DMD: variants seen among roughly 807,000 people sequenced by gnomAD.
DMD encodes the protein dystrophin, also known as mutant dystrophin.
A neutral mutation model predicts 330.1 loss-of-function variants in DMD; 63 were observed. That is an observed-to-expected ratio of 0.19 (90% CI 0.16 to 0.24). DMD has a LOEUF of 0.24. DMD is among the 10% of genes least tolerant of loss of function. DMD has a pLI of 1.00. For missense variants in DMD, 3,344 were observed against 2,684.1 expected (o/e 1.25, Z -5.43); for synonymous variants, 1,223 against 959.8 (o/e 1.27, Z -5.07).
At chrX:32,006,856 GCACATATA>G (rs1303665701) in intron 44 of DMD, among the ~76,000 whole-genome samples, 2 of 109,481 alleles carry the variant, frequency 1.8e-5, no homozygotes, top group East Asian at 5.8e-4. Context: ...AGAAAATGTG[GCACATATA>G]CACCATGGAA....
In DMD at chrX:32,050,974, C is replaced by CTTTTTTTTTTTTTTTTTTTTTTTT. The variant is rs761835866; in HGVS notation, c.6439-82461_6439-82460insAAAAAAAAAAAAAAAAAAAAAAAA. ...TTACATTGCCTCAGGCTAACTTCCT[C>CTTTTTTTTTTTTTTTTTTTTTTTT]TTTTTTTTTTTTTCCCCCTAATAGA... On this transcript the variant is annotated intron_variant, in intron 44 of 78. Transcript: ENST00000357033. 9.0e-3 allele frequency among the ~76,000 whole-genome samples: 700 copies of CTTTTTTTTTTTTTTTTTTTTTTTT among 77,960 alleles called. 93 individuals are homozygous for CTTTTTTTTTTTTTTTTTTTTTTTT. Among genetic ancestry groups the CTTTTTTTTTTTTTTTTTTTTTTTT allele is most frequent in the African/African-American group, 0.033 (582 of 17,390 alleles). The allele number at this position is 77,960 out of a possible 115,157, so 67.7% of individuals were successfully genotyped here.
At chrX:32,452,485 GGAAAGGAAAGGAAA>G (rs2098338216) in intron 26 of DMD, among the ~76,000 whole-genome samples, 3 of 17,564 alleles carry the variant, frequency 1.7e-4, no homozygotes, top group African/African-American at 2.6e-4. Context: ...GGAAAGGAAA[GGAAAGGAAAGGAAA>G]GGAAAGGAAA....
At chrX:32,500,152 T>C (rs945256803) in intron 19 of DMD, among the ~76,000 whole-genome samples, 11 of 110,811 alleles carry the variant, frequency 9.9e-5, no homozygotes, top group Non-Finnish European at 1.9e-5. Flanking sequence ...CAGTGTTCCC[T>C]GGTATCTGCC....
intron 9 of DMD, among the ~76,000 whole-genome samples, chrX:32,667,198 C>T (rs190203864): frequency 1.8e-5 from 2 of 111,273 alleles, no homozygotes; most frequent in African/African-American, 6.5e-5. Flanking sequence ...ACTCCTCATG[C>T]GTAGAAATCA....
intron 60 of DMD, among the ~76,000 whole-genome samples, chrX:31,390,045 T>A (rs978835032): frequency 9.0e-5 from 10 of 111,533 alleles, no homozygotes; most frequent in Non-Finnish European, 1.9e-4. Context: ...TAAAAATCAC[T>A]GCTTTCTGAT....
At chrX:33,142,079 G>A (rs1206480636) in intron 1 of DMD, among the ~76,000 whole-genome samples, 1 of 112,052 alleles carries the variant, frequency 8.9e-6, no homozygotes, top group Non-Finnish European at 1.9e-5. Flanking sequence ...TGAAAGTTAA[G>A]GCTTTTATTT....
intron 60 of DMD, among the ~76,000 whole-genome samples, chrX:31,364,124 A>G (rs965999079): frequency 8.0e-5 from 9 of 112,924 alleles, no homozygotes; most frequent in Middle Eastern, 4.6e-3. Flanking sequence ...CACAGAGTCT[A>G]GAAGATCTGC....
At chrX:31,869,401 A>G (rs1421512963) in intron 48 of DMD, among the ~76,000 whole-genome samples, 1 of 71,106 alleles carries the variant, frequency 1.4e-5, no homozygotes, top group African/African-American at 4.8e-5. Flanking sequence ...TGTAAACGAC[A>G]TGATTTTTTT....
At chrX:33,307,306 T>A (rs935406781) in intron 1 of DMD, among the ~76,000 whole-genome samples, 1 of 111,969 alleles carries the variant, frequency 8.9e-6, no homozygotes, top group Non-Finnish European at 1.9e-5. Flanking sequence ...GATGTTATAT[T>A]TTTCCCAGAT....
chrX:32,806,912 T>C (rs1261682895), intron 7 of DMD, among the ~76,000 whole-genome samples: 2 of 109,443 alleles, frequency 1.8e-5, no homozygotes, highest in Non-Finnish European at 3.8e-5. Context: ...AAAGATACAA[T>C]GTGCCAGAAT....
intron 2 of DMD, among the ~76,000 whole-genome samples, chrX:32,980,031 T>C (rs1426478600): frequency 9.0e-6 from 1 of 111,067 alleles, no homozygotes; most frequent in East Asian, 2.8e-4. Flanking sequence ...AACAGTCAAA[T>C]AAATGTTGTA....
At chrX:32,713,047 G>A (rs1448342143) in intron 7 of DMD, among the ~76,000 whole-genome samples, 1 of 111,371 alleles carries the variant, frequency 9.0e-6, no homozygotes, top group Non-Finnish European at 1.9e-5. Context: ...AAATAAAAGG[G>A]AATGTTGTCA....
chrX:31,372,842 G>A (rs993079157), intron 60 of DMD, among the ~76,000 whole-genome samples: 53 of 110,622 alleles, frequency 4.8e-4, no homozygotes, highest in Non-Finnish European at 8.3e-4. Flanking sequence ...GCAGGAGAAG[G>A]AAATAAAGGG....
At chrX:32,409,667 AT>A (rs1380458557) in intron 30 of DMD, among the ~76,000 whole-genome samples, 2 of 111,916 alleles carry the variant, frequency 1.8e-5, no homozygotes, top group Non-Finnish European at 1.9e-5. Flanking sequence ...TTCTTTATGC[AT>A]TTTGAAGTAC....
chrX:31,722,244 G>A lies in DMD; in HGVS notation c.7660+7387C>T, dbSNP rs1193135611. Among the ~76,000 whole-genome samples, 5 of 109,705 alleles carry A rather than the reference G, an allele frequency of 4.6e-5. No homozygotes were observed. In the South Asian group the frequency reaches 1.2e-3, roughly 26 times the overall value. On this transcript the variant is annotated intron_variant, in intron 52 of 78. Transcript: ENST00000357033. ...AGCAATTCTCCTGCCTCAGCCTCCC[G>A]AGTAGCTGGGATTACAGGTGCCCGC...
At chrX:33,304,206 A>G (rs1182810715) in intron 1 of DMD, among the ~76,000 whole-genome samples, 1 of 111,590 alleles carries the variant, frequency 9.0e-6, no homozygotes, top group Non-Finnish European at 1.9e-5. Context: ...TGGTACTGGT[A>G]CCAAAACAGA....
chrX:31,397,672 G>A (rs772703238), intron 60 of DMD, among the ~76,000 whole-genome samples: 1 of 112,457 alleles, frequency 8.9e-6, no homozygotes, highest in South Asian at 3.7e-4. Context: ...CAACGATATG[G>A]GATGGAGAGA....
chrX:32,558,338 A>G (rs760889139), intron 16 of DMD, among the ~76,000 whole-genome samples: 1 of 112,193 alleles, frequency 8.9e-6, no homozygotes, highest in Admixed American at 9.5e-5. Flanking sequence ...CTAACACTGA[A>G]GTAATGAAAC....
At chrX:32,541,390 C>T (rs1344272665) in intron 17 of DMD, among the ~76,000 whole-genome samples, 2 of 111,466 alleles carry the variant, frequency 1.8e-5, no homozygotes, top group African/African-American at 3.3e-5. Flanking sequence ...AAATAAGAAT[C>T]GAACCACTGC....
Sources: gnomAD v4.1 joint callset for allele counts (sites outside exome capture counted in the v4.1 genomes callset) on GRCh38, gnomAD v4.1.1 for gene constraint, MANE v1.5 for transcripts, NCBI Gene and HGNC (gene_info 2026-07-23, HGNC 2026-07-21) for gene names.